EIF3B: variants seen among roughly 807,000 people sequenced by gnomAD.
EIF3B encodes eukaryotic translation initiation factor 3 subunit B.
In EIF3B, 10 loss-of-function variants were observed where a neutral mutation model predicts 104.6. That is an observed-to-expected ratio of 0.10 (90% confidence interval 0.06 to 0.16). The LOEUF (loss-of-function observed/expected upper bound fraction) is 0.16, where lower values mean the gene tolerates loss of function less well. Ranked by LOEUF, EIF3B falls within the 10% of genes least tolerant of loss-of-function variation. The probability of loss-of-function intolerance (pLI) is 1.00; values close to 1 mark genes in which losing one functional copy is unlikely to be tolerated. For missense variants in EIF3B, 1,014 were observed against 1,087.9 expected, an observed-to-expected ratio of 0.93 and a Z score of 0.96; for synonymous variants, 542 against 417.2, an observed-to-expected ratio of 1.30 and a Z score of -3.65.
chr7:2,355,528 C>A (rs779772768), intron 1 of EIF3B, 108 bp downstream of exon 1: 31 of 1,358,688 alleles, frequency 2.3e-5, no homozygotes, highest in Non-Finnish European at 2.8e-5. Flanking sequence ...GAAGTTCCAG[C>A]GAGGGTGTCC....
intron 2 of EIF3B, among the ~76,000 whole-genome samples, chr7:2,361,862 C>T (rs1779747627): frequency 6.6e-6 from 1 of 152,078 alleles, no homozygotes; most frequent in Non-Finnish European, 1.5e-5. Flanking sequence ...CTGCAACCTC[C>T]GCCTCCCGGG....
At chr7:2,368,921 A>G (rs1372486280) in intron 9 of EIF3B, among the ~76,000 whole-genome samples, 1 of 152,256 alleles carries the variant, frequency 6.6e-6, no homozygotes, top group Non-Finnish European at 1.5e-5. Context: ...TGGTTCTCAA[A>G]AAATGCAAAA....
chr7:2,362,430 G>C (rs1053429628), intron 2 of EIF3B, among the ~76,000 whole-genome samples: 3 of 152,190 alleles, frequency 2.0e-5, no homozygotes, highest in Non-Finnish European at 2.9e-5. Context: ...AATGAAACTA[G>C]AGACTTCGGA....
chr7:2,364,497 G>A lies in EIF3B; in HGVS notation c.1125G>A (p.Gly375=). The change falls in exon 6 of 19, where the codon GGG becomes GGA. Residue 375 remains glycine (G), a synonymous_variant. Coordinates refer to ENST00000360876, the MANE Select transcript of EIF3B (RefSeq NM_001037283.2). The part of the protein sequence containing the change: ...FKQIQRFSHQ[G]VQLIDFSPCE... ...AAATTCAGAGATTCAGCCACCAAGG[G>A]GTTCAGCTTATTGACTTCTCACCTT... 5 of 1,612,946 alleles carry A rather than the reference G, an allele frequency of 3.1e-6. No homozygotes were observed. Among genetic ancestry groups the A allele is most frequent in the South Asian group, 1.1e-5 (1 of 90,644 alleles).
At chr7:2,357,592 C>G (rs922862139) in intron 1 of EIF3B, among the ~76,000 whole-genome samples, 2 of 152,160 alleles carry the variant, frequency 1.3e-5, no homozygotes. Context: ...TTCAGCTGAT[C>G]CAGGATTTTA....
At position 2,355,435 on chromosome 7, in the gene EIF3B, G is replaced by A; in HGVS notation, c.499+15G>A. 1 of 1,419,928 alleles carries A rather than the reference G, an allele frequency of 7.0e-7. No individual in the cohort carries two copies. The highest frequency in any genetic ancestry group is 9.2e-7 in the Non-Finnish European group (1 of 1,086,978). 88.0% of individuals were successfully genotyped at this position (1,419,928 alleles called of 1,614,324 possible). A position where few individuals can be genotyped will look rare whatever the true frequency, so the allele number is the denominator to read the frequency against. On this transcript the variant is annotated intron_variant, in intron 1 of 18. Coordinates refer to ENST00000360876, the MANE Select transcript of EIF3B (RefSeq NM_001037283.2). The stretch of plus-strand genomic sequence containing the variant: ...GAGCGAGGAAGGTGAGGGCGCCCGG[G>A]GCGGGGCTGGCGAGCGGCGCGGGAG...
chr7:2,374,759 T>A, intron 13 of EIF3B, 153 bp downstream of exon 13: 1 of 637,258 alleles, frequency 1.6e-6, no homozygotes, highest in South Asian at 2.2e-5. Flanking sequence ...TCATTGAACC[T>A]CTGCAGACCC....
Position 2,380,489 on chromosome 7 carries a change from C to T in EIF3B, c.*300C>T, listed in dbSNP as rs528347164. On this transcript the variant is annotated 3_prime_UTR_variant, in exon 19 of 19. Transcript: ENST00000360876. ...CTTGTTTGGAGTTTTCTGTTGGAACCGCCGGCGTTGGCTCCGAAGACTTAG... is the reference window on the plus strand; with the variant it reads ...CTTGTTTGGAGTTTTCTGTTGGAACTGCCGGCGTTGGCTCCGAAGACTTAG... 6.4e-5 allele frequency: 31 copies of T among 488,008 alleles called. No homozygotes were observed. The highest frequency in any genetic ancestry group is 1.9e-4 in the Admixed American group (9 of 46,940). The allele number at this position is 488,008 out of a possible 1,614,324, so 30.2% of individuals were successfully genotyped here. A position where few individuals can be genotyped will look rare whatever the true frequency, so the allele number is the denominator to read the frequency against.
chr7:2,380,286 G>C lies in EIF3B; in HGVS notation c.*97G>C, dbSNP rs76988192. On this transcript the variant is annotated 3_prime_UTR_variant, in exon 19 of 19. Coordinates refer to ENST00000360876, the MANE Select transcript of EIF3B (RefSeq NM_001037283.2). Reference sequence around the variant, plus strand: ...GCGGTTCCTCTGTTGCAGCGCAGCCGTGTGTGCTGTGGAGCCGAGGCCGTC... The same window carrying C: ...GCGGTTCCTCTGTTGCAGCGCAGCCCTGTGTGCTGTGGAGCCGAGGCCGTC... 1 of 511,426 alleles carries C rather than the reference G, an allele frequency of 2.0e-6. No homozygotes were observed. Among genetic ancestry groups the C allele is most frequent in the Non-Finnish European group, 3.9e-6 (1 of 256,610 alleles). 31.7% of individuals were successfully genotyped at this position (511,426 alleles called of 1,614,324 possible).
intron 12 of EIF3B, chr7:2,373,035 T>C (rs914992053): frequency 2.9e-6 from 1 of 345,508 alleles, no homozygotes; most frequent in Non-Finnish European, 5.2e-6. Flanking sequence ...TTTCCAAGGC[T>C]TCCATTCTCT....
intron 9 of EIF3B, among the ~76,000 whole-genome samples, chr7:2,367,661 G>A (rs1171552632): frequency 1.3e-5 from 2 of 151,776 alleles, no homozygotes; most frequent in Non-Finnish European, 2.9e-5. Context: ...GTAGGGATGG[G>A]GTTTCACCAT....
At chr7:2,370,945 C>T (rs6461343) in intron 10 of EIF3B, among the ~76,000 whole-genome samples, 114,862 of 151,292 alleles carry the variant, frequency 0.76, 43,914 homozygotes, top group East Asian at 0.88. Context: ...TGCCTGTAGT[C>T]CCAGCTACTC....
chr7:2,357,895 C>T (rs1317147857), intron 1 of EIF3B, among the ~76,000 whole-genome samples: 1 of 152,094 alleles, frequency 6.6e-6, no homozygotes, highest in Admixed American at 6.6e-5. Flanking sequence ...CTTATAAATT[C>T]AGATCAGGCT....
At chr7:2,379,556 A>T in intron 18 of EIF3B, 45 bp downstream of exon 18, 1 of 1,236,164 alleles carries the variant, frequency 8.1e-7, no homozygotes, top group South Asian at 1.3e-5. Context: ...TTGGCTGCTC[A>T]TGCTGCTTCA....
intron 8 of EIF3B, 195 bp from the exon 9 acceptor site, chr7:2,366,804 G>A: frequency 2.5e-6 from 2 of 792,878 alleles, no homozygotes; most frequent in Non-Finnish European, 4.1e-6. Context: ...GTCCTGGATG[G>A]GAGTTAATGC....
In EIF3B at chr7:2,380,733, CT is replaced by C. The variant is rs369329003; in HGVS notation, c.*546del. The C allele has an allele frequency of 9.1e-5, 17 of 186,910 alleles. No individual in the cohort carries two copies. Among genetic ancestry groups the C allele is most frequent in the Non-Finnish European group, 1.2e-4 (11 of 88,176 alleles). 11.6% of individuals were successfully genotyped at this position (186,910 alleles called of 1,614,324 possible). ...GGTTGAACATGGAAATAAAAGCAAA[CT>C]TGTATGAAAAACCGGTCTTTCTCCT... On this transcript the variant is annotated 3_prime_UTR_variant, in exon 19 of 19. Coordinates refer to ENST00000360876, the MANE Select transcript of EIF3B (RefSeq NM_001037283.2).
At chr7:2,358,247 C>G (rs1383369556) in intron 1 of EIF3B, among the ~76,000 whole-genome samples, 1 of 152,082 alleles carries the variant, frequency 6.6e-6, no homozygotes, top group East Asian at 1.9e-4. Context: ...CCATGCCTGG[C>G]TACTTTTTGT....
chr7:2,364,392 G>C lies in EIF3B; in HGVS notation c.1020G>C (p.Val340=). 1.9e-6 allele frequency: 3 copies of C among 1,608,826 alleles called. No individual in the cohort carries two copies. The highest frequency in any genetic ancestry group is 2.5e-6 in the Non-Finnish European group (3 of 1,178,348). ...EERARWTETY[V]RWSPKGTYLA... ...TGCAGAGATGGACAGAGACGTATGT[G>C]CGTTGGTCTCCTAAGGGCACCTACC... The change falls in exon 6 of 19, where the codon GTG becomes GTC. Residue 340 remains valine, a synonymous_variant. Transcript: ENST00000360876.
rs746790542 is a variant in EIF3B at position 2,379,161 on chromosome 7, A to T, written c.2260A>T (p.Met754Leu). The change falls in exon 17 of 19, where the codon ATG (methionine) becomes TTG (leucine). Residue 754 changes from methionine to leucine, a missense_variant. This residue lies in a region of EIF3B where 266 missense variants were observed against 324.0 expected (regional missense o/e 0.82). Coordinates refer to ENST00000360876, the MANE Select transcript of EIF3B (RefSeq NM_001037283.2). ...ATTGGTGGAGAGAAGGCGCACCATG[A>T]TGGAAGATTTCCGGAAGTACCGGAA... ...KELVERRRTMMEDFRKYRKMA... is the reference protein window; with the variant it reads ...KELVERRRTMLEDFRKYRKMA... 2 of 1,613,956 alleles carry T rather than the reference A, an allele frequency of 1.2e-6. No individual in the cohort carries two copies. Among genetic ancestry groups the T allele is most frequent in the Non-Finnish European group, 1.7e-6 (2 of 1,179,964 alleles).
Sources: allele counts gnomAD v4.1 joint callset (sites outside exome capture counted in the v4.1 genomes callset), GRCh38; gene constraint gnomAD v4.1.1; regional missense constraint gnomAD v4.1.1; transcripts MANE v1.5; gene names NCBI Gene and HGNC (gene_info 2026-07-23, HGNC 2026-07-21).